The following CAP2 variants were observed in gnomAD, a reference collection of about 807,000 sequenced individuals.
The protein encoded by CAP2 is adenylyl cyclase-associated protein 2.
Under a neutral mutation model 57.7 loss-of-function variants are expected in CAP2, and 24 were observed. The observed-to-expected ratio is 0.42, with a 90% CI of 0.30 to 0.58. The LOEUF is 0.58. Among genes scored for constraint, CAP2 ranks in the 20% least tolerant of loss-of-function variants. The probability of loss-of-function intolerance (pLI) is 0.22; values close to 1 mark genes in which losing one functional copy is unlikely to be tolerated. For missense variants in CAP2, 501 were observed against 590.3 expected, an observed-to-expected ratio of 0.85 and a Z score of 1.57; for synonymous variants, 194 against 207.2, an observed-to-expected ratio of 0.94 and a Z score of 0.55.
intron 3 of CAP2, among the ~76,000 whole-genome samples, chr6:17,457,117 A>G (rs943283336): frequency 9.2e-5 from 14 of 152,320 alleles, no homozygotes; most frequent in East Asian, 1.9e-4. Flanking sequence ...TGCTGGTGTG[A>G]TAACTGATAA....
intron 3 of CAP2, among the ~76,000 whole-genome samples, chr6:17,447,155 T>C (rs1423532199): frequency 6.8e-6 from 1 of 147,058 alleles, no homozygotes; most frequent in African/African-American, 2.6e-5. Flanking sequence ...CCCAAGTAAC[T>C]GCGACCACAG....
chr6:17,524,858 A>G (rs780898115), intron 7 of CAP2, among the ~76,000 whole-genome samples: 5 of 150,156 alleles, frequency 3.3e-5, no homozygotes, highest in Non-Finnish European at 7.4e-5. Flanking sequence ...ATAAGAATCT[A>G]TAAATATTTT....
In CAP2 at chr6:17,509,549, C is replaced by T. The variant is rs1762087657; in HGVS notation, c.530+1823C>T. Among the ~76,000 whole-genome samples the T allele has an allele frequency of 2.0e-5, 3 of 151,994 alleles. No homozygotes were observed. In the South Asian group the frequency reaches 6.2e-4, roughly 31 times the overall value. On this transcript the variant is annotated intron_variant, in intron 6 of 12. Coordinates refer to ENST00000229922, the MANE Select transcript of CAP2 (RefSeq NM_006366.3). ...AAAAAGCCGAGCGTGGTGGTGGGCA[C>T]CTGTAATCCCAGCTACTCAGGAGGC...
At chr6:17,547,306 A>G (rs1356041702) in intron 11 of CAP2, among the ~76,000 whole-genome samples, 1 of 152,216 alleles carries the variant, frequency 6.6e-6, no homozygotes, top group African/African-American at 2.4e-5. Flanking sequence ...ACATAGATCT[A>G]TAGATATATC....
At chr6:17,440,029 T>C (rs574254992) in intron 3 of CAP2, among the ~76,000 whole-genome samples, 1 of 151,746 alleles carries the variant, frequency 6.6e-6, no homozygotes, top group South Asian at 2.1e-4. Context: ...GCTTTTTTAT[T>C]TAAAATCAGC....
chr6:17,544,620 G>C (rs1192557623), intron 11 of CAP2, among the ~76,000 whole-genome samples: 2 of 151,384 alleles, frequency 1.3e-5, no homozygotes, highest in African/African-American at 2.4e-5. Flanking sequence ...GCGCAATCTC[G>C]GCACACTACA....
In CAP2 at chr6:17,433,652, A is replaced by G. The variant is rs1256529654; in HGVS notation, c.222+6962A>G. Among the ~76,000 whole-genome samples the G allele has an allele frequency of 2.0e-5, 3 of 152,214 alleles. No individual in the cohort carries two copies. In the South Asian group the frequency reaches 6.2e-4, roughly 31 times the overall value. On this transcript the variant is annotated intron_variant, in intron 3 of 12. Transcript: ENST00000229922. Reference sequence around the variant, plus strand: ...GCACTGGCGTGGGCTCGGCCTGATCATTACTATGCTGTTGGCACCAAATTT... The same window carrying G: ...GCACTGGCGTGGGCTCGGCCTGATCGTTACTATGCTGTTGGCACCAAATTT...
Position 17,472,178 on chromosome 6 carries a change from C to T in CAP2, c.300+9105C>T, listed in dbSNP as rs1464350189. On this transcript the variant is annotated intron_variant, in intron 4 of 12. Transcript: ENST00000229922. ...TGAAACCCCGTCTCTACTAAAAATA[C>T]AAAAAATTAGCCGGGCGTAGTGGCG... Among the ~76,000 whole-genome samples the T allele has an allele frequency of 3.7e-5, 3 of 80,314 alleles. 1 individual carries two copies. In the East Asian group the frequency reaches 2.1e-3, roughly 57 times the overall value. The allele number at this position is 80,314 out of a possible 152,430, so 52.7% of individuals were successfully genotyped here. A position where few individuals can be genotyped will look rare whatever the true frequency, so the allele number is the denominator to read the frequency against.
rs556076261 is a variant in CAP2, at chr6:17,550,509, C to A, written c.1210-955C>A. ...ACTAGAGTGACCTGGCCAGACTCCC[C>A]ACAAGGAATTCTTTACATCACTCGC... On this transcript the variant is annotated intron_variant, in intron 11 of 12. Coordinates refer to ENST00000229922, the MANE Select transcript of CAP2 (RefSeq NM_006366.3). 3.3e-5 allele frequency among the ~76,000 whole-genome samples: 5 copies of A among 149,288 alleles called. No individual in the cohort carries two copies. In the East Asian group the frequency reaches 1.0e-3, roughly 30 times the overall value.
At chr6:17,430,555 T>TC in intron 3 of CAP2, among the ~76,000 whole-genome samples, 1 of 151,644 alleles carries the variant, frequency 6.6e-6, no homozygotes, top group South Asian at 2.1e-4. Flanking sequence ...TTTTTTTTTT[T>TC]CGAGACAGAG....
At position 17,542,837 on chromosome 6, in the gene CAP2, G is replaced by C; in HGVS notation, c.1003G>C (p.Glu335Gln). 6.2e-7 allele frequency: 1 copy of C among 1,608,048 alleles called. No homozygotes were observed. Among genetic ancestry groups the C allele is most frequent in the Non-Finnish European group, 8.5e-7 (1 of 1,176,464 alleles). Residue 335 changes from glutamate to glutamine, a missense_variant and splice_region_variant, in exon 10 of 13, where the codon GAG (glutamate) becomes CAG (glutamine). Physicochemically the swap from Glu to Gln is conservative, Grantham distance 29 (BLOSUM62 2). Coordinates refer to ENST00000229922, the MANE Select transcript of CAP2 (RefSeq NM_006366.3). Reference protein sequence around the residue: ...LELEGKKWRVEYQEDRNDLVI... With the variant: ...LELEGKKWRVQYQEDRNDLVI... ...ATATTTGTATTTGTCTTAATTCTAG[G>C]AGTACCAAGAGGACAGGAATGACCT...
At chr6:17,419,707 G>A (rs927501010) in intron 1 of CAP2, among the ~76,000 whole-genome samples, 4 of 151,194 alleles carry the variant, frequency 2.6e-5, no homozygotes, top group African/African-American at 4.9e-5. Context: ...TTTCCTAGAC[G>A]GAGTCTTGCT....
chr6:17,456,434 T>C (rs1309762327), intron 3 of CAP2, among the ~76,000 whole-genome samples: 1 of 152,212 alleles, frequency 6.6e-6, no homozygotes, highest in South Asian at 2.1e-4. Flanking sequence ...TACCTCTTTT[T>C]GGGGCTCATT....
At chr6:17,393,933 G>A (rs1758603549) in intron 1 of CAP2, among the ~76,000 whole-genome samples, 187 bp downstream of exon 1, 2 of 147,082 alleles carry the variant, frequency 1.4e-5, no homozygotes, top group African/African-American at 4.9e-5. Flanking sequence ...CCGGGGCGCG[G>A]CGACCCGGGC....
intron 3 of CAP2, among the ~76,000 whole-genome samples, chr6:17,435,686 A>T (rs1199444615): frequency 1.6e-5 from 2 of 121,476 alleles, no homozygotes; most frequent in African/African-American, 6.1e-5. Context: ...TATAATAAAA[A>T]AAAAAAAAAA....
At chr6:17,528,792 A>T (rs893836397) in intron 7 of CAP2, among the ~76,000 whole-genome samples, 1 of 152,136 alleles carries the variant, frequency 6.6e-6, no homozygotes, top group Non-Finnish European at 1.5e-5. Context: ...CCCCAAATTG[A>T]CTTTTTAAAA....
chr6:17,535,349 A>C (rs1762748945), intron 7 of CAP2, among the ~76,000 whole-genome samples: 1 of 148,498 alleles, frequency 6.7e-6, no homozygotes, highest in Non-Finnish European at 1.5e-5. Context: ...ATCTCGGCTC[A>C]CTGCAACCTC....
At chr6:17,422,151 A>G (rs1377248781) in intron 2 of CAP2, among the ~76,000 whole-genome samples, 1 of 152,238 alleles carries the variant, frequency 6.6e-6, no homozygotes, top group Non-Finnish European at 1.5e-5. Flanking sequence ...ATCAAAAAAG[A>G]AACTAATGTT....
At chr6:17,441,030 A>G (rs1314345498) in intron 3 of CAP2, among the ~76,000 whole-genome samples, 1 of 151,550 alleles carries the variant, frequency 6.6e-6, no homozygotes, top group Admixed American at 6.6e-5. Context: ...ATAGTATTCC[A>G]TGGTGTCTCC....
Sources: allele counts gnomAD v4.1 joint callset (sites outside exome capture counted in the v4.1 genomes callset), GRCh38; gene constraint gnomAD v4.1.1; transcripts MANE v1.5; gene names NCBI Gene and HGNC (gene_info 2026-07-23, HGNC 2026-07-21).